The following UNC13B variants were observed in gnomAD, a reference collection of about 807,000 sequenced individuals.
UNC13B encodes protein unc-13 homolog B.
UNC13B carries 144 observed loss-of-function variants against 211.0 expected under a neutral mutation model. The observed-to-expected ratio is 0.68, with a 90% CI of 0.60 to 0.78. UNC13B has a LOEUF of 0.78. Among genes scored for constraint, UNC13B ranks in the 30% least tolerant of loss-of-function variants. The pLI is 0.00. For synonymous variants in UNC13B, 709 were observed against 725.8 expected, an observed-to-expected ratio of 0.98 and a Z score of 0.37; for missense variants, 1,777 against 2,002.0, an observed-to-expected ratio of 0.89 and a Z score of 2.14.
intron 1 of UNC13B, among the ~76,000 whole-genome samples, chr9:35,217,740 A>C (rs1287043399): frequency 6.6e-6 from 1 of 152,138 alleles, no homozygotes; most frequent in African/African-American, 2.4e-5. Flanking sequence ...TATTCTATGC[A>C]ATAAGATCAG....
In UNC13B at chr9:35,237,814, G is replaced by A. The variant is rs374929028; in HGVS notation, c.382G>A (p.Glu128Lys). Residue 128 changes from glutamate (E) to lysine (K), a missense_variant, in exon 5 of 40, where the codon GAG (glutamate) becomes AAG (lysine). Coordinates refer to ENST00000635942, the MANE Select transcript of UNC13B (RefSeq NM_001371189.2). Reference sequence around the variant, plus strand: ...TAAAATTTTGCTTGATACAAGATTTGAGTTGCCTTTTGGTGAGTAAAATTT... The same window carrying A: ...TAAAATTTTGCTTGATACAAGATTTAAGTTGCCTTTTGGTGAGTAAAATTT... ...PHKILLDTRF[E>K]LPFDIPEEEA... 6.2e-7 allele frequency: 1 copy of A among 1,612,064 alleles called. No individual in the cohort carries two copies. The highest frequency in any genetic ancestry group is 1.3e-5 in the African/African-American group (1 of 74,824).
chr9:35,295,992 A>G, intron 8 of UNC13B, 62 bp downstream of exon 8: 1 of 1,471,774 alleles, frequency 6.8e-7, no homozygotes, highest in South Asian at 1.3e-5. Context: ...TGCAATTGGC[A>G]AGAAGAATTT....
intron 11 of UNC13B, among the ~76,000 whole-genome samples, chr9:35,360,367 T>C (rs1320387971): frequency 6.6e-6 from 1 of 152,272 alleles, no homozygotes; most frequent in Non-Finnish European, 1.5e-5. Flanking sequence ...TTAACCTCTC[T>C]GATCTTCAAT....
At chr9:35,326,232 A>G (rs982608862) in intron 11 of UNC13B, among the ~76,000 whole-genome samples, 4 of 152,162 alleles carry the variant, frequency 2.6e-5, no homozygotes, top group African/African-American at 9.7e-5. Context: ...GATGTTGAGT[A>G]TCTTTTCATG....
chr9:35,188,225 A>AAGTT (rs1301107348), intron 1 of UNC13B, among the ~76,000 whole-genome samples: 3 of 152,204 alleles, frequency 2.0e-5, no homozygotes, highest in Non-Finnish European at 4.4e-5. Context: ...TATTAAAAAA[A>AAGTT]CTCACATTTG....
At position 35,235,638 on chromosome 9, in the gene UNC13B, A is replaced by C. The variant is rs368297903; in HGVS notation, c.153-831A>C. 7.7e-4 allele frequency among the ~76,000 whole-genome samples: 117 copies of C among 152,184 alleles called. 2 individuals are homozygous for C. In the South Asian group the frequency reaches 0.019, roughly 25 times the overall value. ...ATTTTTAGTAGAGACAGGGTTTTGC[A>C]ACGTTGGCCAAGCTGGTCTCAAACT... On this transcript the variant is annotated intron_variant, in intron 3 of 39. Transcript: ENST00000635942.
chr9:35,390,794 A>G, intron 26 of UNC13B, 80 bp downstream of exon 26: 1 of 1,373,162 alleles, frequency 7.3e-7, no homozygotes, highest in Non-Finnish European at 1.0e-6. Flanking sequence ...TCTTCTAGAC[A>G]ACTACAAGTT....
intron 1 of UNC13B, among the ~76,000 whole-genome samples, chr9:35,217,387 GT>G (rs919989545): frequency 4.3e-4 from 63 of 146,238 alleles, no homozygotes; most frequent in African/African-American, 1.6e-3. Context: ...TTGTTTGTTT[GT>G]TTTTTTTGTT....
At chr9:35,270,134 T>A (rs1196205928) in intron 7 of UNC13B, among the ~76,000 whole-genome samples, 1 of 152,214 alleles carries the variant, frequency 6.6e-6, no homozygotes, top group East Asian at 1.9e-4. Flanking sequence ...ATGAGGCTGG[T>A]TATTTTTAGT....
intron 7 of UNC13B, among the ~76,000 whole-genome samples, chr9:35,260,038 C>CAA (rs61273217): frequency 0.18 from 11,347 of 64,772 alleles, 3,565 homozygotes; most frequent in East Asian, 0.32. Context: ...CTCATTTCTA[C>CAA]AAAAAAAAAA....
intron 11 of UNC13B, among the ~76,000 whole-genome samples, chr9:35,333,608 C>T (rs1831487512): frequency 6.6e-6 from 1 of 152,188 alleles, no homozygotes; most frequent in Non-Finnish European, 1.5e-5. Context: ...ATATCCTTTC[C>T]TTTTAGTTTC....
At chr9:35,181,449 C>G (rs1288445399) in intron 1 of UNC13B, among the ~76,000 whole-genome samples, 4 of 152,122 alleles carry the variant, frequency 2.6e-5, no homozygotes, top group African/African-American at 9.7e-5. Flanking sequence ...TCTCATGTTT[C>G]TCACCTATAA....
chr9:35,345,846 G>A (rs906123202), intron 11 of UNC13B, among the ~76,000 whole-genome samples: 2 of 152,156 alleles, frequency 1.3e-5, no homozygotes, highest in African/African-American at 4.8e-5. Flanking sequence ...GGCTAGGTCC[G>A]CCCTCATGCC....
chr9:35,318,135 C>A (rs943761737), intron 11 of UNC13B, among the ~76,000 whole-genome samples: 1 of 151,940 alleles, frequency 6.6e-6, no homozygotes, highest in Admixed American at 6.6e-5. Context: ...GCATGGTTTA[C>A]CTAAGAGTAA....
At chr9:35,263,183 T>C (rs934715892) in intron 7 of UNC13B, among the ~76,000 whole-genome samples, 3 of 152,160 alleles carry the variant, frequency 2.0e-5, no homozygotes, top group African/African-American at 7.2e-5. Context: ...GACAAAGATA[T>C]ATGTGCAAAG....
chr9:35,190,714 C>T (rs1163625203), intron 1 of UNC13B, among the ~76,000 whole-genome samples: 1 of 152,050 alleles, frequency 6.6e-6, no homozygotes, highest in African/African-American at 2.4e-5. Context: ...AGACTTTTTC[C>T]AGAAAAACAT....
chr9:35,310,689 A>C lies in UNC13B; in HGVS notation c.9231A>C (p.Ala3077=). The C allele has an allele frequency of 6.2e-7, 1 of 1,614,026 alleles. No individual in the cohort carries two copies. The highest frequency in any genetic ancestry group is 8.5e-7 in the Non-Finnish European group (1 of 1,180,006). Residue 3077 remains alanine, a synonymous_variant, in exon 10 of 40, where the codon GCA becomes GCC. Transcript: ENST00000635942. ...CAGGTCAAGCAGAGAAGGAGGCAGC[A>C]TGTGAACCCAAGGAGATGAAAGAAG... ...EVTGQAEKEA[A]CEPKEMKEDA...
chr9:35,306,109 T>G lies in UNC13B; in HGVS notation c.6705T>G (p.Ile2235Met). 2 of 399,002 alleles carry G rather than the reference T, an allele frequency of 5.0e-6. No homozygotes were observed. Among genetic ancestry groups the G allele is most frequent in the Non-Finnish European group, 8.8e-6 (2 of 226,050 alleles). 24.7% of individuals were successfully genotyped at this position (399,002 alleles called of 1,614,324 possible). ...KKETSGEKQS[I>M]STVVPVTSQP... ...AGACCTCTGGGGAAAAACAAAGCAT[T>G]TCAACTGTTGTTCCAGTGACCTCCC... The change falls in exon 9 of 40, where the codon ATT (isoleucine) becomes ATG (methionine). Residue 2235 changes from isoleucine to methionine, a missense_variant. Coordinates refer to ENST00000635942, the MANE Select transcript of UNC13B (RefSeq NM_001371189.2).
intron 26 of UNC13B, among the ~76,000 whole-genome samples, chr9:35,395,866 C>A (rs1835837966): frequency 1.3e-5 from 2 of 152,174 alleles, no homozygotes; most frequent in Admixed American, 6.5e-5. Context: ...TTCATATTTG[C>A]ATACTTCCCT....
Sources: allele counts gnomAD v4.1 joint callset (sites outside exome capture counted in the v4.1 genomes callset), GRCh38; gene constraint gnomAD v4.1.1; transcripts MANE v1.5; gene names NCBI Gene and HGNC (gene_info 2026-07-23, HGNC 2026-07-21).